DPP6: variants seen among roughly 807,000 people sequenced by gnomAD.
DPP6 encodes the protein A-type potassium channel modulatory protein DPP6.
A neutral mutation model predicts 122.6 loss-of-function variants in DPP6; 69 were observed. The ratio of observed to expected loss-of-function variants is 0.56; its 90% CI spans 0.46 to 0.69. The LOEUF (loss-of-function observed/expected upper bound fraction) is 0.69. DPP6 is among the 30% of genes least tolerant of loss of function. DPP6 has a pLI of 0.00. For synonymous variants in DPP6, 418 were observed against 433.1 expected, an observed-to-expected ratio of 0.97 and a Z score of 0.43; for missense variants, 928 against 1,116.9, an observed-to-expected ratio of 0.83 and a Z score of 2.41.
At chr7:153,836,962 G>C in the DPP6 span, among the ~76,000 whole-genome samples, 1 of 152,156 alleles carries the variant, frequency 6.6e-6, no homozygotes. Context: ...GCGGAGGCTG[G>C]TCCAGCAGCA....
At chr7:153,840,388 T>C in the DPP6 span, among the ~76,000 whole-genome samples, 122 of 152,274 alleles carry the variant, frequency 8.0e-4, no homozygotes, top group African/African-American at 2.9e-3. Flanking sequence ...TTCTTACTCT[T>C]TTCTAAACGC....
intron 1 of DPP6, among the ~76,000 whole-genome samples, chr7:154,103,934 G>A (rs2150573648): frequency 6.6e-6 from 1 of 152,250 alleles, no homozygotes; most frequent in African/African-American, 2.4e-5. Context: ...TGAGGCTTTT[G>A]GACTTGGACT....
rs551535822 is a variant in DPP6 at position 153,956,929 on chromosome 7, C to A, written c.51+69195C>A. ...TTACAAACTGCCTTTGGTAGCAAGGCTCTTAGGATTTTTAGAGTGTTAAAA... is the reference window on the plus strand; with the variant it reads ...TTACAAACTGCCTTTGGTAGCAAGGATCTTAGGATTTTTAGAGTGTTAAAA... On this transcript the variant is annotated intron_variant, in intron 1 of 25. Transcript: ENST00000404039. Among the ~76,000 whole-genome samples the A allele has an allele frequency of 3.7e-4, 57 of 152,082 alleles. 1 individual carries two copies. Among genetic ancestry groups the A allele is most frequent in the Non-Finnish European group, 3.2e-4 (22 of 68,024 alleles).
intron 1 of DPP6, among the ~76,000 whole-genome samples, chr7:154,431,576 C>G (rs1283625582): frequency 1.2e-4 from 17 of 143,452 alleles, no homozygotes; most frequent in Non-Finnish European, 1.4e-4. Flanking sequence ...CTCTTGTTGC[C>G]CAGGCTGGAG....
chr7:154,511,153 C>G (rs1039579289), intron 3 of DPP6, among the ~76,000 whole-genome samples: 1 of 152,060 alleles, frequency 6.6e-6, no homozygotes, highest in Admixed American at 6.6e-5. Context: ...GTGAGAACAC[C>G]GAGCTGCTCA....
intron 8 of DPP6, among the ~76,000 whole-genome samples, chr7:154,745,289 C>T (rs114346077): frequency 1.3e-4 from 20 of 152,342 alleles, no homozygotes; most frequent in African/African-American, 4.3e-4. Context: ...AGGCTCCGCA[C>T]GTCCCAGTGA....
At chr7:154,585,373 C>T (rs1438058136) in intron 5 of DPP6, among the ~76,000 whole-genome samples, 1 of 152,224 alleles carries the variant, frequency 6.6e-6, no homozygotes, top group Non-Finnish European at 1.5e-5. Context: ...ACTTTCATTA[C>T]TGCATCCCCT....
chr7:154,079,332 C>A, intron 1 of DPP6, among the ~76,000 whole-genome samples: 1 of 142,516 alleles, frequency 7.0e-6, no homozygotes, highest in Non-Finnish European at 1.6e-5. Flanking sequence ...ACCTGTTCAG[C>A]AGAGATTTGT....
At chr7:154,661,746 A>T (rs1217900202) in intron 6 of DPP6, among the ~76,000 whole-genome samples, 3 of 145,920 alleles carry the variant, frequency 2.1e-5, no homozygotes, top group African/African-American at 7.8e-5. Context: ...AGTCATGGTG[A>T]ATCACCATGG....
At chr7:153,942,176 C>G (rs1030635379) in intron 1 of DPP6, among the ~76,000 whole-genome samples, 3 of 152,232 alleles carry the variant, frequency 2.0e-5, no homozygotes, top group Non-Finnish European at 4.4e-5. Flanking sequence ...TGTACTCATT[C>G]AATTCACCGC....
intron 1 of DPP6, among the ~76,000 whole-genome samples, chr7:154,158,789 C>G (rs951867156): frequency 1.3e-5 from 2 of 152,038 alleles, no homozygotes; most frequent in African/African-American, 4.8e-5. Flanking sequence ...ATTTGATGGA[C>G]TTTTCTCTGG....
At chr7:153,797,323 A>G in the DPP6 span, among the ~76,000 whole-genome samples, 3 of 152,200 alleles carry the variant, frequency 2.0e-5, no homozygotes, top group African/African-American at 7.2e-5. Flanking sequence ...AAAATGAAGG[A>G]AGAAGAGGAG....
chr7:154,051,603 C>T (rs1800323391), upstream of DPP6, among the ~76,000 whole-genome samples: 1 of 148,792 alleles, frequency 6.7e-6, no homozygotes, highest in Admixed American at 6.6e-5. Flanking sequence ...CGCCCTCCCT[C>T]GCTCTCGGCG....
chr7:154,352,249 G>A (rs1050970119), intron 1 of DPP6, among the ~76,000 whole-genome samples: 1 of 152,094 alleles, frequency 6.6e-6, no homozygotes, highest in African/African-American at 2.4e-5. Context: ...AGATCATGAG[G>A]TCAGGAGATC....
At chr7:154,532,663 C>T (rs1234318031) in intron 3 of DPP6, among the ~76,000 whole-genome samples, 1 of 151,850 alleles carries the variant, frequency 6.6e-6, no homozygotes, top group African/African-American at 2.4e-5. Context: ...TGCCACGATC[C>T]TACTAAAGCA....
intron 7 of DPP6, among the ~76,000 whole-genome samples, chr7:154,678,256 G>A (rs535320718): frequency 5.5e-4 from 84 of 152,302 alleles, no homozygotes; most frequent in African/African-American, 1.9e-3. Context: ...CCCGCAGCTC[G>A]GGTTCCCTTC....
At chr7:154,789,220 C>T (rs1013591672) in intron 10 of DPP6, among the ~76,000 whole-genome samples, 2 of 152,198 alleles carry the variant, frequency 1.3e-5, no homozygotes, top group East Asian at 1.9e-4. Flanking sequence ...TGGCATGGAT[C>T]GTCTGGGCTG....
chr7:154,204,598 T>C (rs1208140401), intron 1 of DPP6, among the ~76,000 whole-genome samples: 1 of 152,294 alleles, frequency 6.6e-6, no homozygotes, highest in South Asian at 2.1e-4. Flanking sequence ...TGCTCAGACC[T>C]GCGAGCCCCA....
chr7:154,471,293 A>G (rs1822254345), intron 2 of DPP6, among the ~76,000 whole-genome samples: 1 of 152,192 alleles, frequency 6.6e-6, no homozygotes, highest in African/African-American at 2.4e-5. Context: ...TTTCTCAAAA[A>G]CAAGAACAGG....
Sources: gnomAD v4.1 joint callset for allele counts (sites outside exome capture counted in the v4.1 genomes callset) on GRCh38, gnomAD v4.1.1 for gene constraint, MANE v1.5 for transcripts, NCBI Gene and HGNC (gene_info 2026-07-23, HGNC 2026-07-21) for gene names.